GABPB1: variants seen among roughly 807,000 people sequenced by gnomAD.
GABPB1 encodes the protein GA binding protein transcription factor subunit beta 1.
A neutral mutation model predicts 45.9 loss-of-function variants in GABPB1; 15 were observed. That is an observed-to-expected ratio of 0.33 (90% CI 0.22 to 0.50). The LOEUF is 0.50. Ranked by LOEUF, GABPB1 falls within the 20% of genes least tolerant of loss-of-function variation. GABPB1 has a pLI of 0.98. For missense variants in GABPB1, 252 were observed against 457.5 expected, an observed-to-expected ratio of 0.55 and a Z score of 4.10; for synonymous variants, 143 against 154.4, an observed-to-expected ratio of 0.93 and a Z score of 0.55.
intron 1 of GABPB1, among the ~76,000 whole-genome samples, chr15:50,344,567 A>T (rs1421359716): frequency 6.6e-6 from 1 of 152,132 alleles, no homozygotes; most frequent in Non-Finnish European, 1.5e-5. Flanking sequence ...AAGAGTAAAA[A>T]ACTGTGCTCA....
intron 1 of GABPB1, among the ~76,000 whole-genome samples, chr15:50,311,142 G>A (rs7175150): frequency 0.16 from 24,991 of 152,134 alleles, 2,240 homozygotes; most frequent in Middle Eastern, 0.23. Context: ...GATTATGACA[G>A]TAGAATATAG....
Position 50,289,510 on chromosome 15 carries a change from T to C in GABPB1, c.856A>G (p.Ile286Val). The C allele has an allele frequency of 1.2e-6, 2 of 1,612,952 alleles. No homozygotes were observed. Among genetic ancestry groups the C allele is most frequent in the Non-Finnish European group, 8.5e-7 (1 of 1,179,406 alleles). The change falls in exon 7 of 9, where the codon ATT becomes GTT. Residue 286 changes from isoleucine to valine, a missense_variant. Physicochemically the swap from Ile to Val is conservative, Grantham distance 29 (BLOSUM62 3). Transcript: ENST00000380877. ...IPTSGIGQPIIVTMPDGQQVL... is the reference protein window; with the variant it reads ...IPTSGIGQPIVVTMPDGQQVL... ...TGTTGTCCATCTGGCATGGTCACAATGATGGGCTGACCAATTCCACTGGTT... is the reference window on the plus strand; with the variant it reads ...TGTTGTCCATCTGGCATGGTCACAACGATGGGCTGACCAATTCCACTGGTT...
intron 1 of GABPB1, among the ~76,000 whole-genome samples, chr15:50,345,866 C>G (rs1052431254): frequency 2.0e-5 from 3 of 152,094 alleles, no homozygotes; most frequent in Non-Finnish European, 4.4e-5. Context: ...CGCTCGCCAC[C>G]ACGCCCAGCT....
At chr15:50,284,215 C>T (rs2046086216) in intron 8 of GABPB1, among the ~76,000 whole-genome samples, 2 of 152,120 alleles carry the variant, frequency 1.3e-5, no homozygotes, top group Admixed American at 1.3e-4. Flanking sequence ...AAATTATTAC[C>T]TGGTTTGGTG....
intron 6 of GABPB1, among the ~76,000 whole-genome samples, chr15:50,299,824 G>GTT (rs942008115): frequency 6.8e-6 from 1 of 147,880 alleles, no homozygotes; most frequent in African/African-American, 2.5e-5. Context: ...TTGGTTTTGG[G>GTT]TTTTTTTTTT....
intron 1 of GABPB1, among the ~76,000 whole-genome samples, chr15:50,313,713 T>C (rs1026326733): frequency 1.3e-5 from 2 of 152,092 alleles, no homozygotes; most frequent in African/African-American, 4.8e-5. Context: ...TGAAAAGATA[T>C]AAATCTTTTT....
chr15:50,311,581 T>A (rs2047133217), intron 1 of GABPB1, among the ~76,000 whole-genome samples: 1 of 152,218 alleles, frequency 6.6e-6, no homozygotes, highest in Admixed American at 6.5e-5. Context: ...TTTGCATTTT[T>A]GCATTAGGGA....
In GABPB1 at chr15:50,304,144, G is replaced by GAAA; in HGVS notation, c.109-14_109-12dup. 55 of 1,206,048 alleles carry GAAA rather than the reference G, an allele frequency of 4.6e-5. No homozygotes were observed. The highest frequency in any genetic ancestry group is 2.2e-4 in the Middle Eastern group (1 of 4,512). 74.7% of individuals were successfully genotyped at this position (1,206,048 alleles called of 1,614,324 possible). On this transcript the variant is annotated splice_polypyrimidine_tract_variant and intron_variant, in intron 2 of 8. Transcript: ENST00000380877. ...TGGAGAAGTTCCCAGCTGTACCACA[G>GAAA]AAAAAAAAAAAAATCCACATTTACA...
intron 1 of GABPB1, among the ~76,000 whole-genome samples, chr15:50,333,307 T>TA (rs1253113043): frequency 6.6e-6 from 1 of 152,100 alleles, no homozygotes; most frequent in Non-Finnish European, 1.5e-5. Context: ...CAAATAATTT[T>TA]AAAAATTAGA....
chr15:50,343,846 T>C (rs753882540), intron 1 of GABPB1, among the ~76,000 whole-genome samples: 1 of 152,238 alleles, frequency 6.6e-6, no homozygotes, highest in South Asian at 2.1e-4. Context: ...CAATCAAATG[T>C]AGTTACCACA....
At chr15:50,326,757 C>T (rs1348651260) in intron 1 of GABPB1, among the ~76,000 whole-genome samples, 18 of 151,976 alleles carry the variant, frequency 1.2e-4, no homozygotes, top group Non-Finnish European at 2.2e-4. Flanking sequence ...CTGCTTGAGC[C>T]TGGGAGGTCA....
At position 50,304,032 on chromosome 15, in the gene GABPB1, C is replaced by T; in HGVS notation, c.210G>A (p.Val70=). The T allele has an allele frequency of 6.2e-7, 1 of 1,613,464 alleles. No individual in the cohort carries two copies. The highest frequency in any genetic ancestry group is 8.5e-7 in the Non-Finnish European group (1 of 1,179,734). Residue 70 remains valine, a synonymous_variant, in exon 3 of 9, where the codon GTG becomes GTA. Transcript: ENST00000380877. ...AGVSRDARTK[V]DRTPLHMAAS... ...CTGCCATATGTAATGGTGTTCGGTC[C>T]ACTTTGGTTCTGGCATCTCTGCTCA...
intron 8 of GABPB1, among the ~76,000 whole-genome samples, chr15:50,284,061 A>C (rs1044465458): frequency 2.0e-5 from 3 of 152,088 alleles, no homozygotes; most frequent in African/African-American, 7.2e-5. Context: ...TGACAACCAA[A>C]TATATCTCCT....
chr15:50,353,034 A>G (rs1019644093), intron 1 of GABPB1: 6 of 152,236 alleles, frequency 3.9e-5, no homozygotes, highest in African/African-American at 1.4e-4. Flanking sequence ...TGTACCTCCT[A>G]TAATTTTCAA....
intron 1 of GABPB1, among the ~76,000 whole-genome samples, chr15:50,335,730 C>CT: frequency 6.6e-6 from 1 of 151,752 alleles, no homozygotes; most frequent in East Asian, 2.0e-4. Flanking sequence ...AACCCCATCT[C>CT]TATTAAAAAT....
intron 1 of GABPB1, among the ~76,000 whole-genome samples, chr15:50,322,766 C>T (rs2047619281): frequency 6.6e-6 from 1 of 152,122 alleles, no homozygotes; most frequent in Non-Finnish European, 1.5e-5. Context: ...GTGGCTCATG[C>T]CTGTAATTCC....
chr15:50,309,124 T>G (rs922312852), intron 2 of GABPB1, among the ~76,000 whole-genome samples: 1 of 152,120 alleles, frequency 6.6e-6, no homozygotes, highest in African/African-American at 2.4e-5. Flanking sequence ...TAATTCAGAT[T>G]CCTAGCATTC....
At chr15:50,307,824 C>T (rs553748153) in intron 2 of GABPB1, among the ~76,000 whole-genome samples, 1 of 152,220 alleles carries the variant, frequency 6.6e-6, no homozygotes, top group African/African-American at 2.4e-5. Context: ...AATCTGTGGG[C>T]TGCCATCTTT....
At chr15:50,291,816 G>A (rs921935417) in intron 6 of GABPB1, among the ~76,000 whole-genome samples, 1 of 151,628 alleles carries the variant, frequency 6.6e-6, no homozygotes, top group African/African-American at 2.4e-5. Context: ...TACTTGGGAG[G>A]CTAGGGTGGG....
Sources: gnomAD v4.1 joint callset for allele counts (sites outside exome capture counted in the v4.1 genomes callset) on GRCh38, gnomAD v4.1.1 for gene constraint, MANE v1.5 for transcripts, NCBI Gene and HGNC (gene_info 2026-07-23, HGNC 2026-07-21) for gene names.